HS2ST1: variants seen among roughly 807,000 people sequenced by gnomAD.
HS2ST1 encodes heparan sulfate 2-O-sulfotransferase 1.
HS2ST1 carries 18 observed loss-of-function variants against 42.9 expected under a neutral mutation model. The observed-to-expected ratio is 0.42, with a 90% CI of 0.29 to 0.62. HS2ST1 has a LOEUF of 0.62. Among genes scored for constraint, HS2ST1 ranks in the 20% least tolerant of loss-of-function variants. HS2ST1 has a pLI of 0.21. For synonymous variants in HS2ST1, 146 were observed against 152.9 expected (o/e 0.95, Z 0.33); for missense variants, 334 against 433.8 (o/e 0.77, Z 2.04).
At chr1:86,943,722 A>G (rs1647230684) in intron 1 of HS2ST1, among the ~76,000 whole-genome samples, 1 of 151,822 alleles carries the variant, frequency 6.6e-6, no homozygotes, top group African/African-American at 2.4e-5. Context: ...ATCTCAGAAA[A>G]AAAAAAGAAA....
Position 86,985,049 on chromosome 1 carries a change from C to T in HS2ST1, c.124+69889C>T, listed in dbSNP as rs115087997. Among the ~76,000 whole-genome samples the T allele has an allele frequency of 8.7e-3, 1,323 of 151,650 alleles. 24 individuals are homozygous for T. The highest frequency in any genetic ancestry group is 0.03 in the African/African-American group (1,247 of 41,364). On this transcript the variant is annotated intron_variant, in intron 1 of 6. Coordinates refer to ENST00000370550, the MANE Select transcript of HS2ST1 (RefSeq NM_012262.4). ...TATCAGACTCCCATAGTACCCTAAACGTTTATATCCATTTATTCTGTTTTG... is the reference window on the plus strand; with the variant it reads ...TATCAGACTCCCATAGTACCCTAAATGTTTATATCCATTTATTCTGTTTTG...
chr1:87,092,732 G>A, intron 4 of HS2ST1, 63 bp downstream of exon 4: 1 of 1,033,516 alleles, frequency 9.7e-7, no homozygotes, highest in Admixed American at 3.3e-5. Context: ...TGAGCAATGT[G>A]CTTTTAAAAT....
chr1:86,948,028 T>C (rs1302706280), intron 1 of HS2ST1, among the ~76,000 whole-genome samples: 1 of 152,102 alleles, frequency 6.6e-6, no homozygotes, highest in Non-Finnish European at 1.5e-5. Context: ...TCTTGCAAAG[T>C]ATACTGTATC....
intron 1 of HS2ST1, among the ~76,000 whole-genome samples, chr1:86,991,220 T>TA (rs2100560325): frequency 6.6e-6 from 1 of 152,074 alleles, no homozygotes; most frequent in South Asian, 2.1e-4. Flanking sequence ...TGCCATCTGT[T>TA]ACAAAAAAAG....
At chr1:87,073,550 C>A (rs979548146) in intron 2 of HS2ST1, among the ~76,000 whole-genome samples, 3 of 151,910 alleles carry the variant, frequency 2.0e-5, no homozygotes, top group African/African-American at 7.3e-5. Flanking sequence ...AATTTTGTGA[C>A]CAGCCCCTCT....
chr1:86,958,956 C>T (rs1010773163), intron 1 of HS2ST1, among the ~76,000 whole-genome samples: 2 of 152,100 alleles, frequency 1.3e-5, no homozygotes, highest in Non-Finnish European at 2.9e-5. Context: ...TTCATGTAAT[C>T]GATCACATCC....
chr1:87,080,569 G>A (rs1387138314), intron 2 of HS2ST1, among the ~76,000 whole-genome samples: 1 of 152,086 alleles, frequency 6.6e-6, no homozygotes, highest in Non-Finnish European at 1.5e-5. Flanking sequence ...ACATCAAATT[G>A]AAAAACTATC....
intron 1 of HS2ST1, among the ~76,000 whole-genome samples, chr1:87,062,291 GTTAC>G (rs1344763794): frequency 6.6e-6 from 1 of 150,784 alleles, no homozygotes; most frequent in Non-Finnish European, 1.5e-5. Context: ...ATTCCTGTGG[GTTAC>G]TTATATTTTT....
rs1553140787 is a variant in HS2ST1, at chr1:87,053,903, T to TAAAGTG, written c.125-19028_125-19027insGTGAAA. The stretch of plus-strand genomic sequence containing the variant: ...AAAATTCTCTTTTGATGTTTAAAAA[T>TAAAGTG]AAAAATAAAATTCTCTTTTTTTTAA... On this transcript the variant is annotated intron_variant, in intron 1 of 6. Coordinates refer to ENST00000370550, the MANE Select transcript of HS2ST1 (RefSeq NM_012262.4). 1.3e-4 allele frequency among the ~76,000 whole-genome samples: 20 copies of TAAAGTG among 151,970 alleles called. No individual in the cohort carries two copies. The East Asian group carries it at 1.9e-3, about 15-fold the overall frequency.
intron 1 of HS2ST1, among the ~76,000 whole-genome samples, chr1:86,961,861 C>A (rs895631142): frequency 2.0e-5 from 3 of 152,096 alleles, no homozygotes; most frequent in African/African-American, 7.2e-5. Flanking sequence ...AGGAATCATA[C>A]AATTTGTGAC....
intron 1 of HS2ST1, among the ~76,000 whole-genome samples, chr1:86,954,029 A>G (rs1012796742): frequency 5.2e-5 from 6 of 116,206 alleles, no homozygotes; most frequent in Non-Finnish European, 8.6e-5. Flanking sequence ...AACAAACATC[A>G]CTGTTTTTTT....
intron 1 of HS2ST1, among the ~76,000 whole-genome samples, chr1:87,049,394 T>G (rs886416870): frequency 3.9e-5 from 6 of 152,084 alleles, no homozygotes; most frequent in Admixed American, 2.6e-4. Flanking sequence ...CTGCCTTCTT[T>G]TCTAATATGA....
intron 1 of HS2ST1, among the ~76,000 whole-genome samples, chr1:87,048,306 G>A (rs1650742215): frequency 1.3e-5 from 2 of 152,020 alleles, no homozygotes; most frequent in Admixed American, 6.6e-5. Flanking sequence ...AGATTCTTTT[G>A]GAATTTCTAC....
intron 1 of HS2ST1, among the ~76,000 whole-genome samples, chr1:86,952,021 C>CT (rs1444667768): frequency 6.6e-6 from 1 of 152,214 alleles, no homozygotes; most frequent in Admixed American, 6.5e-5. Flanking sequence ...CGTGTAGTGA[C>CT]TTCCTCCATT....
Position 87,103,006 on chromosome 1 carries a change from CACTT to C in HS2ST1, c.687-424_687-421del, listed in dbSNP as rs374956101. 1.2e-3 allele frequency among the ~76,000 whole-genome samples: 189 copies of C among 152,230 alleles called. 9 individuals carry two copies. In the South Asian group the frequency reaches 0.039, roughly 31 times the overall value. On this transcript the variant is annotated intron_variant, in intron 5 of 6. Coordinates refer to ENST00000370550, the MANE Select transcript of HS2ST1 (RefSeq NM_012262.4). ...TCTGTTCCTCAGAAATTTCAGAAAA[CACTT>C]AGCTCACAAAAACCCGAAACTCACA...
chr1:86,959,303 A>T (rs1016876633), intron 1 of HS2ST1, among the ~76,000 whole-genome samples: 1 of 152,260 alleles, frequency 6.6e-6, no homozygotes, highest in African/African-American at 2.4e-5. Context: ...CTTAATTCAC[A>T]AATGACATGT....
intron 1 of HS2ST1, among the ~76,000 whole-genome samples, chr1:86,923,119 T>G (rs926625441): frequency 6.6e-6 from 1 of 152,178 alleles, no homozygotes. Context: ...TATTACCCAG[T>G]TTATTTTTTA....
At chr1:86,960,638 G>T (rs954727650) in intron 1 of HS2ST1, among the ~76,000 whole-genome samples, 2 of 152,154 alleles carry the variant, frequency 1.3e-5, no homozygotes, top group Admixed American at 6.5e-5. Flanking sequence ...AACCTCCTTG[G>T]AGAAGATATA....
At chr1:87,040,380 T>C (rs764327655) in intron 1 of HS2ST1, among the ~76,000 whole-genome samples, 1 of 152,128 alleles carries the variant, frequency 6.6e-6, no homozygotes, top group Non-Finnish European at 1.5e-5. Context: ...ACTGTGATAT[T>C]TTTAGAAGTA....
Sources: gnomAD v4.1 joint callset for allele counts (sites outside exome capture counted in the v4.1 genomes callset) on GRCh38, gnomAD v4.1.1 for gene constraint, MANE v1.5 for transcripts, NCBI Gene and HGNC (gene_info 2026-07-23, HGNC 2026-07-21) for gene names.